The following SEC23IP variants were observed in gnomAD, a reference collection of about 807,000 sequenced individuals.
The protein encoded by SEC23IP is SEC23 interacting protein, also known as SEC23-interacting protein.
Under a neutral mutation model 113.4 loss-of-function variants are expected in SEC23IP, and 70 were observed. That is an observed-to-expected ratio of 0.62 (90% CI 0.51 to 0.75). The LOEUF is 0.75. Among genes scored for constraint, SEC23IP ranks in the 30% least tolerant of loss-of-function variants. SEC23IP has a pLI of 0.00. For synonymous variants in SEC23IP, 398 were observed against 421.0 expected, an observed-to-expected ratio of 0.95 and a Z score of 0.67; for missense variants, 1,160 against 1,204.9, an observed-to-expected ratio of 0.96 and a Z score of 0.55.
At chr10:119,927,055 A>T (rs1374239765) in intron 13 of SEC23IP, among the ~76,000 whole-genome samples, 1 of 152,050 alleles carries the variant, frequency 6.6e-6, no homozygotes, top group Non-Finnish European at 1.5e-5. Flanking sequence ...CTGCACCACC[A>T]CACCTGGCTA....
At chr10:119,937,032 C>G (rs752024953) in intron 18 of SEC23IP, among the ~76,000 whole-genome samples, 1 of 151,716 alleles carries the variant, frequency 6.6e-6, no homozygotes, top group African/African-American at 2.4e-5. Flanking sequence ...GGACTACAGG[C>G]GCCCGCTGCT....
intron 6 of SEC23IP, 132 bp downstream of exon 6, chr10:119,912,296 CTAA>C (rs1429734128): frequency 1.1e-6 from 1 of 951,556 alleles, no homozygotes; most frequent in Non-Finnish European, 1.6e-6. Flanking sequence ...CCACTCCCAG[CTAA>C]TATTTCTATT....
In SEC23IP at chr10:119,926,064, T is replaced by C. The variant is rs1198097924; in HGVS notation, c.2150T>C (p.Val717Ala). 1.2e-6 allele frequency: 2 copies of C among 1,613,580 alleles called. No individual in the cohort carries two copies. Among genetic ancestry groups the C allele is most frequent in the Admixed American group, 1.7e-5 (1 of 59,870 alleles). ...LKKAASEKKA[V>A]AATSTKGQEQ... Reference sequence around the variant, plus strand: ...AAAGCAGCGTCAGAAAAGAAGGCAGTGGCGGCCACTTCTACAAAAGGACAA... The same window carrying C: ...AAAGCAGCGTCAGAAAAGAAGGCAGCGGCGGCCACTTCTACAAAAGGACAA... Residue 717 changes from valine to alanine, a missense_variant, in exon 13 of 19, where the codon GTG (valine) becomes GCG (alanine). Val to Ala is a moderately conservative substitution (Grantham distance 64, BLOSUM62 0). Coordinates refer to ENST00000369075, the MANE Select transcript of SEC23IP (RefSeq NM_007190.4).
At position 119,915,992 on chromosome 10, in the gene SEC23IP, T is replaced by C. The variant is rs543571313; in HGVS notation, c.1544+103T>C. 8.9e-6 allele frequency: 9 copies of C among 1,009,498 alleles called. No homozygotes were observed. In the African/African-American group the frequency reaches 1.5e-4, roughly 17 times the overall value. 62.5% of individuals were successfully genotyped at this position (1,009,498 alleles called of 1,614,324 possible). A position where few individuals can be genotyped will look rare whatever the true frequency, so the allele number is the denominator to read the frequency against. ...TATTGTAGCTTCAATCAATATGTTT[T>C]TAAAAATTGTATACTTCTGACATAT... On this transcript the variant is annotated intron_variant, in intron 8 of 18. Coordinates refer to ENST00000369075, the MANE Select transcript of SEC23IP (RefSeq NM_007190.4).
At chr10:119,896,757 G>A (rs868734776) in intron 1 of SEC23IP, among the ~76,000 whole-genome samples, 1 of 151,790 alleles carries the variant, frequency 6.6e-6, no homozygotes, top group South Asian at 2.1e-4. Flanking sequence ...TTTTTCTAAA[G>A]GATGAAAGAT....
chr10:119,936,417 G>A (rs925299148), intron 18 of SEC23IP, among the ~76,000 whole-genome samples: 8 of 151,482 alleles, frequency 5.3e-5, no homozygotes, highest in African/African-American at 1.9e-4. Flanking sequence ...AAATTAGCAG[G>A]GTGTGATCTC....
At chr10:119,913,492 A>G (rs1333355683) in intron 6 of SEC23IP, among the ~76,000 whole-genome samples, 1 of 151,064 alleles carries the variant, frequency 6.6e-6, no homozygotes, top group African/African-American at 2.4e-5. Flanking sequence ...CGTTTTCCAT[A>G]AAGCTTTTTT....
intron 12 of SEC23IP, 39 bp downstream of exon 12, chr10:119,921,023 T>C (rs781080121): frequency 9.3e-5 from 130 of 1,398,082 alleles, no homozygotes; most frequent in Non-Finnish European, 1.2e-4. Context: ...CTAAAACTCA[T>C]GGTGTGACCA....
At chr10:119,920,711 G>A (rs1021209215) in intron 11 of SEC23IP, among the ~76,000 whole-genome samples, 178 bp from the exon 12 acceptor site, 45 of 152,192 alleles carry the variant, frequency 3.0e-4, no homozygotes, top group African/African-American at 9.9e-4. Context: ...AGGTGTGGAA[G>A]CCTAAGATTT....
chr10:119,935,432 G>T (rs865923138), intron 18 of SEC23IP, among the ~76,000 whole-genome samples: 1 of 152,064 alleles, frequency 6.6e-6, no homozygotes, highest in Non-Finnish European at 1.5e-5. Flanking sequence ...CTGCACTCCG[G>T]CCTGGATGAC....
At position 119,944,517 on chromosome 10, in the gene SEC23IP, C is replaced by T. The variant is rs1856031820; in HGVS notation, c.*3952C>T. 6.6e-6 allele frequency: 1 copy of T among 152,204 alleles called. No homozygotes were observed. Among genetic ancestry groups the T allele is most frequent in the African/African-American group, 2.4e-5 (1 of 41,440 alleles). The allele number at this position is 152,204 out of a possible 1,614,324, so 9.4% of individuals were successfully genotyped here. On this transcript the variant is annotated 3_prime_UTR_variant, in exon 19 of 19. Transcript: ENST00000369075. Reference sequence around the variant, plus strand: ...AAGACGGAAAAAGGACAGTGCATTCCAGACCTGTGGAAAGACGCGAGGTTG... The same window carrying T: ...AAGACGGAAAAAGGACAGTGCATTCTAGACCTGTGGAAAGACGCGAGGTTG...
At position 119,892,936 on chromosome 10, in the gene SEC23IP, T is replaced by C; in HGVS notation, c.154T>C (p.Leu52=). 1 of 1,612,078 alleles carries C rather than the reference T, an allele frequency of 6.2e-7. No individual in the cohort carries two copies. The highest frequency in any genetic ancestry group is 8.5e-7 in the Non-Finnish European group (1 of 1,178,972). Residue 52 remains leucine (L), a synonymous_variant, in exon 1 of 19, where the codon TTA becomes CTA. Coordinates refer to ENST00000369075, the MANE Select transcript of SEC23IP (RefSeq NM_007190.4). The part of the protein sequence containing the change: ...QASASPASLL[L]PGEDSTDVGE... ...CTCCGCTTCTCCGGCCTCCCTGCTC[T>C]TACCGGGAGGTAATAAGGGGAGGGC...
chr10:119,919,977 A>T (rs1297908825), intron 11 of SEC23IP, among the ~76,000 whole-genome samples: 1 of 152,250 alleles, frequency 6.6e-6, no homozygotes, highest in African/African-American at 2.4e-5. Flanking sequence ...TATAAACATG[A>T]TTTACAGAAA....
In SEC23IP at chr10:119,933,013, G is replaced by A. The variant is rs1855655930; in HGVS notation, c.2767G>A (p.Val923Ile). 3 of 1,612,952 alleles carry A rather than the reference G, an allele frequency of 1.9e-6. No homozygotes were observed. Among genetic ancestry groups the A allele is most frequent in the Non-Finnish European group, 2.5e-6 (3 of 1,179,398 alleles). Residue 923 changes from valine (V) to isoleucine (I), a missense_variant, in exon 17 of 19, where the codon GTT (valine) becomes ATT (isoleucine). Transcript: ENST00000369075. Reference sequence around the variant, plus strand: ...AATGGTTTAAATTCTAGCAGAAAAGGTTGTTGAAAGTCCAGATTTTTCCAA... The same window carrying A: ...AATGGTTTAAATTCTAGCAGAAAAGATTGTTGAAAGTCCAGATTTTTCCAA... ...EEKQVVEAEK[V>I]VESPDFSKDE...
chr10:119,929,722 G>A lies in SEC23IP; in HGVS notation c.2429G>A (p.Ser810Asn), dbSNP rs1345435397. The part of the protein sequence containing the change: ...RGVDRIDENY[S>N]LPTCKGFFNI... ...GTTGATAGGATAGATGAGAATTACAGCCTTCCTACCTGTAAAGGGTTCTTC... is the reference window on the plus strand; with the variant it reads ...GTTGATAGGATAGATGAGAATTACAACCTTCCTACCTGTAAAGGGTTCTTC... The change falls in exon 14 of 19, where the codon AGC becomes AAC. Residue 810 changes from serine (S) to asparagine (N), a missense_variant. By Grantham distance (46) the Ser-to-Asn change is conservative. Transcript: ENST00000369075. 2.5e-6 allele frequency: 4 copies of A among 1,602,852 alleles called. No homozygotes were observed. The highest frequency in any genetic ancestry group is 3.4e-6 in the Non-Finnish European group (4 of 1,169,802).
At chr10:119,901,043 G>GAT (rs11407972) in intron 2 of SEC23IP, among the ~76,000 whole-genome samples, 1 of 120,172 alleles carries the variant, frequency 8.3e-6, no homozygotes, top group African/African-American at 3.2e-5. Context: ...TTTTTAAAGA[G>GAT]TGGGGGGGGG....
At chr10:119,921,856 A>G (rs549485735) in intron 12 of SEC23IP, among the ~76,000 whole-genome samples, 5 of 151,914 alleles carry the variant, frequency 3.3e-5, no homozygotes, top group East Asian at 1.9e-4. Flanking sequence ...TTGAATTTCT[A>G]TGGTTCTATT....
At chr10:119,934,355 A>G (rs978556846) in intron 18 of SEC23IP, among the ~76,000 whole-genome samples, 1 of 152,234 alleles carries the variant, frequency 6.6e-6, no homozygotes, top group Non-Finnish European at 1.5e-5. Flanking sequence ...ACTCATACCT[A>G]TTGACTAGGC....
At position 119,912,157 on chromosome 10, in the gene SEC23IP, T is replaced by G; in HGVS notation, c.1305T>G (p.Ile435Met). Reference protein sequence around the residue: ...KRGIDDNLDEIPDGEMPQVDH... With the variant: ...KRGIDDNLDEMPDGEMPQVDH... The stretch of plus-strand genomic sequence containing the variant: ...GAATTGATGATAACCTTGATGAAAT[T>G]CCCGACGGTGTGTATAGTTTGTTTA... Residue 435 changes from isoleucine (I) to methionine (M), a missense_variant, in exon 6 of 19, where the codon ATT (isoleucine) becomes ATG (methionine). By Grantham distance (10) the Ile-to-Met change is conservative (BLOSUM62 1). Coordinates refer to ENST00000369075, the MANE Select transcript of SEC23IP (RefSeq NM_007190.4). 1 of 1,614,052 alleles carries G rather than the reference T, an allele frequency of 6.2e-7. No individual in the cohort carries two copies. The highest frequency in any genetic ancestry group is 8.5e-7 in the Non-Finnish European group (1 of 1,179,956).
Sources: gnomAD v4.1 joint callset for allele counts (sites outside exome capture counted in the v4.1 genomes callset) on GRCh38, gnomAD v4.1.1 for gene constraint, MANE v1.5 for transcripts, NCBI Gene and HGNC (gene_info 2026-07-23, HGNC 2026-07-21) for gene names.